Variants in LAMB4 observed in about 807,000 individuals in gnomAD.
LAMB4 encodes the protein laminin subunit beta-4.
Under a neutral mutation model 199.2 loss-of-function variants are expected in LAMB4, and 196 were observed. That is an observed-to-expected ratio of 0.98 (90% CI 0.88 to 1.11). The LOEUF is 1.11. LAMB4 is among the 50% of genes least tolerant of loss of function. LAMB4 has a pLI of 0.00. For missense variants in LAMB4, 2,080 were observed against 2,171.2 expected (o/e 0.96, Z 0.83); for synonymous variants, 744 against 770.6 (o/e 0.97, Z 0.57).
At chr7:108,067,963 C>G in intron 19 of LAMB4, 53 bp downstream of exon 19, 1 of 1,610,568 alleles carries the variant, frequency 6.2e-7, no homozygotes, top group Admixed American at 1.7e-5. Context: ...TGCCTGCTGT[C>G]AAAATGTCAA....
rs118163295 is a variant in LAMB4 at position 108,035,214 on chromosome 7, T to C, written c.4680-868A>G. On this transcript the variant is annotated intron_variant, in intron 30 of 33. Coordinates refer to ENST00000388781, the MANE Select transcript of LAMB4 (RefSeq NM_007356.3). ...TTCTATTCCCTGCCACCATTATCTT[T>C]TTCTTATATTATTTTTTCCTTTAGA... Among the ~76,000 whole-genome samples, 922 of 152,232 alleles carry C rather than the reference T, an allele frequency of 6.1e-3. 23 individuals carry two copies. In the East Asian group the frequency reaches 0.065, roughly 11 times the overall value.
At chr7:108,013,428 G>T in the LAMB4 span, among the ~76,000 whole-genome samples, 1 of 152,080 alleles carries the variant, frequency 6.6e-6, no homozygotes, top group Non-Finnish European at 1.5e-5. Context: ...AAAAGTGGGC[G>T]GTTTGCTATG....
In LAMB4 at chr7:108,105,827, G is replaced by A; in HGVS notation, c.860C>T (p.Pro287Leu). The change falls in exon 8 of 34, where the codon CCT becomes CTT. Residue 287 changes from proline to leucine, a missense_variant. Physicochemically the swap from Pro to Leu is moderately conservative, Grantham distance 98 (BLOSUM62 -3). Coordinates refer to ENST00000388781, the MANE Select transcript of LAMB4 (RefSeq NM_007356.3). ...GGATTAATAACTCACCATTCCAGGA[G>A]GGCTGAAAACATCTCCCCGCATCTT... ...MQKMRGDVFS[P>L]PGMVHGQCVC... 6 of 1,614,124 alleles carry A rather than the reference G, an allele frequency of 3.7e-6. No homozygotes were observed. Among genetic ancestry groups the A allele is most frequent in the Non-Finnish European group, 5.1e-6 (6 of 1,179,966 alleles).
At position 108,125,560 on chromosome 7, in the gene LAMB4, G is replaced by A. The variant is rs115695010; in HGVS notation, c.-33-2363C>T. Among the ~76,000 whole-genome samples, 198 of 152,318 alleles carry A rather than the reference G, an allele frequency of 1.3e-3. 1 individual carries two copies. Among genetic ancestry groups the A allele is most frequent in the African/African-American group, 4.7e-3 (194 of 41,572 alleles). On this transcript the variant is annotated intron_variant, in intron 1 of 33. Transcript: ENST00000388781. ...CTAGGCTCTGAGTTGCTGGGGTAAA[G>A]TGCTACATAGGATATATCATGGCAT...
intron 14 of LAMB4, 126 bp from the exon 15 acceptor site, chr7:108,079,912 A>G: frequency 1.6e-6 from 1 of 640,962 alleles, no homozygotes; most frequent in Admixed American, 3.4e-5. Flanking sequence ...TATGAGTCAC[A>G]GATAAATTAT....
chr7:108,107,733 A>C lies in LAMB4; in HGVS notation c.489T>G (p.Cys163Trp). Residue 163 changes from cysteine (C) to tryptophan (W), a missense_variant, in exon 6 of 34, where the codon TGT (cysteine) becomes TGG (tryptophan). Transcript: ENST00000388781. Reference sequence around the variant, plus strand: ...ATGTGATGTTAGGAAAGGAAGTGGCACAGTCTTTTGCAAAATATTTGAACA... The same window carrying C: ...ATGTGATGTTAGGAAAGGAAGTGGCCCAGTCTTTTGCAAAATATTTGAACA... ...WKVFKYFAKD[C>W]ATSFPNITSG... The C allele has an allele frequency of 1.2e-6, 2 of 1,613,944 alleles. No homozygotes were observed. The highest frequency in any genetic ancestry group is 2.7e-5 in the African/African-American group (2 of 75,026).
intron 16 of LAMB4, among the ~76,000 whole-genome samples, chr7:108,077,436 T>C (rs1330153127): frequency 1.3e-5 from 2 of 152,152 alleles, no homozygotes; most frequent in Non-Finnish European, 2.9e-5. Flanking sequence ...GGCTCACACC[T>C]GTAATCCCAG....
intron 14 of LAMB4, among the ~76,000 whole-genome samples, chr7:108,087,009 T>C (rs2037207315): frequency 6.6e-6 from 1 of 152,126 alleles, no homozygotes; most frequent in African/African-American, 2.4e-5. Context: ...GAGAGCCACT[T>C]CTAGCCTAGA....
downstream of LAMB4, among the ~76,000 whole-genome samples, chr7:108,018,787 C>A (rs1012750650): frequency 6.6e-6 from 1 of 152,168 alleles, no homozygotes; most frequent in African/African-American, 2.4e-5. Flanking sequence ...CCCCTCAAAC[C>A]AAGGGTGGGG....
At chr7:108,066,681 T>C in intron 19 of LAMB4, 81 bp from the exon 20 acceptor site, 1 of 905,136 alleles carries the variant, frequency 1.1e-6, no homozygotes, top group South Asian at 1.6e-5. Flanking sequence ...TGGTGTCTCA[T>C]TTCCTTTCCC....
intron 26 of LAMB4, 55 bp downstream of exon 26, chr7:108,052,042 T>C: frequency 1.3e-6 from 2 of 1,493,360 alleles, no homozygotes; most frequent in Non-Finnish European, 1.8e-6. Flanking sequence ...TGGAATGCAC[T>C]GTGGATTTCA....
intron 5 of LAMB4, among the ~76,000 whole-genome samples, 169 bp downstream of exon 5, chr7:108,109,002 A>T (rs1233507773): frequency 3.9e-5 from 6 of 152,142 alleles, no homozygotes; most frequent in Admixed American, 3.9e-4. Flanking sequence ...GATTTTTAAA[A>T]AGTGTTTTTT....
chr7:108,049,767 G>A (rs998518865), intron 26 of LAMB4, among the ~76,000 whole-genome samples: 1 of 152,206 alleles, frequency 6.6e-6, no homozygotes, highest in Non-Finnish European at 1.5e-5. Context: ...TGTGGTGTGA[G>A]TCCTGGCTTC....
At position 108,076,970 on chromosome 7, in the gene LAMB4, C is replaced by A; in HGVS notation, c.2098G>T (p.Ala700Ser). 3 of 1,613,936 alleles carry A rather than the reference C, an allele frequency of 1.9e-6. No individual in the cohort carries two copies. The highest frequency in any genetic ancestry group is 1.7e-6 in the Non-Finnish European group (2 of 1,179,892). ...GAGTCCACCAGGACATGTGAATGAG[C>A]GTGGGACTCTCCTTGCAAAGGCTGA... ...FSQPLQGESH[A>S]HSHVLVDSLG... The change falls in exon 17 of 34, where the codon GCT (alanine) becomes TCT (serine). Residue 700 changes from alanine to serine, a missense_variant. Coordinates refer to ENST00000388781, the MANE Select transcript of LAMB4 (RefSeq NM_007356.3).
chr7:108,115,748 G>A (rs191943267), intron 3 of LAMB4, among the ~76,000 whole-genome samples: 1 of 152,264 alleles, frequency 6.6e-6, no homozygotes, highest in East Asian at 1.9e-4. Flanking sequence ...TAAAGTACAT[G>A]GGAGGATATA....
At position 108,109,195 on chromosome 7, in the gene LAMB4, G is replaced by A. The variant is rs774854418; in HGVS notation, c.378C>T (p.Phe126=). 1 of 1,613,352 alleles carries A rather than the reference G, an allele frequency of 6.2e-7. No individual in the cohort carries two copies. The highest frequency in any genetic ancestry group is 2.2e-5 in the East Asian group (1 of 44,874). Residue 126 remains phenylalanine (F), a synonymous_variant, in exon 5 of 34, where the codon TTC becomes TTT. Transcript: ENST00000388781. ...IRLDLEALFR[F]SHLILTFKTF... ...CCTTAAAGGTCAGGATAAGGTGGCT[G>A]AACCGAAATAATGCCTCTAAGTCCA...
In LAMB4 at chr7:108,069,869, T is replaced by C; in HGVS notation, c.2141A>G (p.Gln714Arg). 6.2e-7 allele frequency: 1 copy of C among 1,612,642 alleles called. No individual in the cohort carries two copies. The highest frequency in any genetic ancestry group is 8.5e-7 in the Non-Finnish European group (1 of 1,178,842). Residue 714 changes from glutamine to arginine, a missense_variant, in exon 18 of 34, where the codon CAA becomes CGA. Transcript: ENST00000388781. ...VLVDSLGLIP[Q>R]INSLENFCSK... Reference sequence around the variant, plus strand: ...GCAGAAATTCTCCAATGAATTGATTTGGGGAATAAGGCCAAGCTTTTGAAA... The same window carrying C: ...GCAGAAATTCTCCAATGAATTGATTCGGGGAATAAGGCCAAGCTTTTGAAA...
intron 1 of LAMB4, among the ~76,000 whole-genome samples, chr7:108,125,246 A>G (rs1275321854): frequency 2.0e-5 from 3 of 152,172 alleles, no homozygotes; most frequent in Non-Finnish European, 2.9e-5. Flanking sequence ...TCTAGGTGGT[A>G]CTTTCTTACT....
intron 15 of LAMB4, among the ~76,000 whole-genome samples, chr7:108,079,068 G>A (rs965880103): frequency 2.0e-5 from 3 of 152,232 alleles, no homozygotes; most frequent in Admixed American, 6.5e-5. Flanking sequence ...AACTATTGGT[G>A]TAAATCAACT....
Sources: gnomAD v4.1 joint callset for allele counts (sites outside exome capture counted in the v4.1 genomes callset) on GRCh38, gnomAD v4.1.1 for gene constraint, MANE v1.5 for transcripts, NCBI Gene and HGNC (gene_info 2026-07-23, HGNC 2026-07-21) for gene names.